COBL: variants seen among roughly 807,000 people sequenced by gnomAD.
COBL encodes protein cordon-bleu.
Under a neutral mutation model 98.8 loss-of-function variants are expected in COBL, and 51 were observed. The observed-to-expected ratio is 0.52, with a 90% CI of 0.41 to 0.65. The LOEUF (loss-of-function observed/expected upper bound fraction) is 0.65, where lower values mean the gene tolerates loss of function less well. Among genes scored for constraint, COBL ranks in the 30% least tolerant of loss-of-function variants. The pLI is 0.00. For missense variants in COBL, 1,617 were observed against 1,617.5 expected, an observed-to-expected ratio of 1.00 and a Z score of 0.01; for synonymous variants, 634 against 651.7, an observed-to-expected ratio of 0.97 and a Z score of 0.41.
rs753442654 is a variant in COBL at position 51,029,599 on chromosome 7, G to A, written c.1505-8C>T. The A allele has an allele frequency of 6.3e-7, 1 of 1,579,160 alleles. No homozygotes were observed. Among genetic ancestry groups the A allele is most frequent in the East Asian group, 2.3e-5 (1 of 44,222 alleles). ...CATAGCTGTCTTCCATTTCTGCAAAGAGGGACAAACACAAATCACAGATGT... is the reference window on the plus strand; with the variant it reads ...CATAGCTGTCTTCCATTTCTGCAAAAAGGGACAAACACAAATCACAGATGT... On this transcript the variant is annotated splice_polypyrimidine_tract_variant and splice_region_variant and intron_variant, in intron 9 of 12. Coordinates refer to ENST00000265136, the MANE Select transcript of COBL (RefSeq NM_015198.5).
rs1018809610 is a variant in COBL, at chr7:51,316,664, C to T, written c.-31G>A. The T allele has an allele frequency of 2.5e-6, 3 of 1,190,712 alleles. No homozygotes were observed. The highest frequency in any genetic ancestry group is 4.2e-5 in the South Asian group (1 of 24,004). 73.8% of individuals were successfully genotyped at this position (1,190,712 alleles called of 1,614,324 possible). The stretch of plus-strand genomic sequence containing the variant: ...CGGGGGCCGGGACGCGGGCGGTGCT[C>T]CGGGCCCGCCGAGTCAGGCGCTGGC... On this transcript the variant is annotated 5_prime_UTR_variant, in exon 1 of 13. Coordinates refer to ENST00000265136, the MANE Select transcript of COBL (RefSeq NM_015198.5).
At chr7:51,081,487 C>T (rs991765197) in intron 7 of COBL, among the ~76,000 whole-genome samples, 2 of 152,252 alleles carry the variant, frequency 1.3e-5, no homozygotes, top group East Asian at 1.9e-4. Context: ...GGTTCCACTG[C>T]TCTGCAGAGA....
intron 7 of COBL, among the ~76,000 whole-genome samples, chr7:51,054,456 G>T (rs1436550996): frequency 1.3e-5 from 2 of 152,160 alleles, no homozygotes; most frequent in Admixed American, 1.3e-4. Flanking sequence ...TGCTGGGCTT[G>T]TTGGGAGATG....
chr7:51,246,548 G>GT (rs1217636837), intron 1 of COBL, among the ~76,000 whole-genome samples: 39 of 152,196 alleles, frequency 2.6e-4, no homozygotes, highest in Admixed American at 2.6e-3. Context: ...GTCAGCCCCC[G>GT]TGAGGTGGAG....
intron 5 of COBL, among the ~76,000 whole-genome samples, chr7:51,162,729 G>A (rs537875863): frequency 3.4e-4 from 51 of 152,212 alleles, no homozygotes; most frequent in Non-Finnish European, 5.9e-4. Context: ...TTTAGCAGAT[G>A]AGGAAAGTGA....
intron 5 of COBL, among the ~76,000 whole-genome samples, chr7:51,141,669 G>A (rs1043842865): frequency 4.0e-5 from 6 of 150,002 alleles, no homozygotes; most frequent in Non-Finnish European, 5.9e-5. Flanking sequence ...TTAAAGAATC[G>A]AGTGGGAGGG....
chr7:51,280,527 T>C (rs1455096281), intron 1 of COBL, among the ~76,000 whole-genome samples: 2 of 152,352 alleles, frequency 1.3e-5, no homozygotes. Context: ...TTCTCTTTTC[T>C]GCTGCTGCTT....
At chr7:51,067,469 A>G (rs936017232) in intron 7 of COBL, among the ~76,000 whole-genome samples, 1 of 152,256 alleles carries the variant, frequency 6.6e-6, no homozygotes, top group Non-Finnish European at 1.5e-5. Flanking sequence ...CACTGTATAT[A>G]CATCTATGCA....
Position 51,028,020 on chromosome 7 carries a change from T to C in COBL, c.3076A>G (p.Thr1026Ala). 2 of 1,603,928 alleles carry C rather than the reference T, an allele frequency of 1.2e-6. No homozygotes were observed. The highest frequency in any genetic ancestry group is 1.7e-6 in the Non-Finnish European group (2 of 1,174,834). ...PDGTDPPPPH[T>A]SDTQACSREL... ...CTGCTGCAGGCCTGAGTGTCAGATG[T>C]GTGTGGAGGGGGTGGGTCTGTACCA... Residue 1026 changes from threonine to alanine, a missense_variant, in exon 10 of 13, where the codon ACA becomes GCA. Thr to Ala is a moderately conservative substitution (Grantham distance 58). This residue lies in a region of COBL where 1,304 missense variants were observed against 1,282.0 expected (regional missense o/e 1.02). Coordinates refer to ENST00000265136, the MANE Select transcript of COBL (RefSeq NM_015198.5).
intron 1 of COBL, among the ~76,000 whole-genome samples, chr7:51,268,675 T>C (rs1428530922): frequency 6.6e-6 from 1 of 152,054 alleles, no homozygotes; most frequent in African/African-American, 2.4e-5. Context: ...CTCATGCCCA[T>C]AACCCCAGCA....
chr7:51,224,776 C>T (rs1794020728), intron 1 of COBL, among the ~76,000 whole-genome samples: 1 of 152,164 alleles, frequency 6.6e-6, no homozygotes, highest in South Asian at 2.1e-4. Flanking sequence ...CTGCCTCAGC[C>T]TCCCAAGTAG....
intron 1 of COBL, among the ~76,000 whole-genome samples, chr7:51,238,068 T>C (rs1795436609): frequency 6.6e-6 from 1 of 152,216 alleles, no homozygotes; most frequent in South Asian, 2.1e-4. Flanking sequence ...CTGACCAAGA[T>C]GGCCCACGCC....
chr7:51,084,632 T>C (rs1794024404), intron 7 of COBL, among the ~76,000 whole-genome samples: 1 of 152,104 alleles, frequency 6.6e-6, no homozygotes, highest in African/African-American at 2.4e-5. Flanking sequence ...TATAATTCCA[T>C]CTTCTTTCCT....
chr7:51,254,820 T>A (rs1436738195), intron 1 of COBL, among the ~76,000 whole-genome samples: 2 of 152,204 alleles, frequency 1.3e-5, no homozygotes, highest in Non-Finnish European at 2.9e-5. Context: ...GGGCAGCTGA[T>A]TTCAATTTGT....
chr7:51,154,686 G>C (rs1379842104), intron 5 of COBL, among the ~76,000 whole-genome samples: 3 of 152,176 alleles, frequency 2.0e-5, no homozygotes, highest in Non-Finnish European at 4.4e-5. Context: ...CTAAAGGTGT[G>C]GAGCCAGCAG....
At chr7:51,258,741 G>C (rs1253504755) in intron 1 of COBL, among the ~76,000 whole-genome samples, 1 of 152,110 alleles carries the variant, frequency 6.6e-6, no homozygotes, top group Non-Finnish European at 1.5e-5. Flanking sequence ...AAAGAGTTAA[G>C]ATTTCTTCAG....
chr7:51,119,431 G>C (rs2128987517), intron 6 of COBL, among the ~76,000 whole-genome samples: 1 of 152,308 alleles, frequency 6.6e-6, no homozygotes, highest in African/African-American at 2.4e-5. Context: ...TGGCTTGTGA[G>C]GGAAGTCCAT....
chr7:51,141,633 C>CTT (rs57941852), intron 5 of COBL, among the ~76,000 whole-genome samples: 10 of 142,528 alleles, frequency 7.0e-5, no homozygotes, highest in South Asian at 2.3e-4. Flanking sequence ...GGCTTTACAA[C>CTT]TTTTTTTTTT....
At chr7:51,239,916 A>G (rs982919928) in intron 1 of COBL, among the ~76,000 whole-genome samples, 4 of 152,204 alleles carry the variant, frequency 2.6e-5, no homozygotes, top group Non-Finnish European at 4.4e-5. Flanking sequence ...TGTGGGCCAT[A>G]TGATCTCTGT....
Sources: gnomAD v4.1 joint callset for allele counts (sites outside exome capture counted in the v4.1 genomes callset) on GRCh38, gnomAD v4.1.1 for gene constraint, gnomAD v4.1.1 regional missense constraint, MANE v1.5 for transcripts, NCBI Gene and HGNC (gene_info 2026-07-23, HGNC 2026-07-21) for gene names.